The following SOCS6 variants were observed in gnomAD, a reference collection of about 807,000 sequenced individuals.
SOCS6 encodes suppressor of cytokine signaling 6.
A neutral mutation model predicts 27.7 loss-of-function variants in SOCS6; 5 were observed. The observed-to-expected ratio is 0.18, with a 90% CI of 0.09 to 0.38. SOCS6 has a LOEUF of 0.38. Ranked by LOEUF, SOCS6 falls within the 10% of genes least tolerant of loss-of-function variation. The pLI is 1.00. For synonymous variants in SOCS6, 271 were observed against 260.0 expected, an observed-to-expected ratio of 1.04 and a Z score of -0.41; for missense variants, 595 against 688.1, an observed-to-expected ratio of 0.86 and a Z score of 1.51.
Position 70,317,554 on chromosome 18 carries a change from T to C in SOCS6, c.-126-6989T>C, listed in dbSNP as rs9964353. On this transcript the variant is annotated intron_variant, in intron 1 of 1. Transcript: ENST00000397942. ...TATATATACACACTTCATATATACATACACACACACACACACACACACACA... is the reference window on the plus strand; with the variant it reads ...TATATATACACACTTCATATATACACACACACACACACACACACACACACA... Among the ~76,000 whole-genome samples, 67 of 139,072 alleles carry C rather than the reference T, an allele frequency of 4.8e-4. 1 individual carries two copies. The highest frequency in any genetic ancestry group is 3.7e-3 in the Middle Eastern group (1 of 272). 91.2% of individuals were successfully genotyped at this position (139,072 alleles called of 152,430 possible). A position where few individuals can be genotyped will look rare whatever the true frequency, so the allele number is the denominator to read the frequency against.
chr18:70,315,947 T>C (rs2062409638), intron 1 of SOCS6, among the ~76,000 whole-genome samples: 1 of 152,080 alleles, frequency 6.6e-6, no homozygotes, highest in African/African-American at 2.4e-5. Flanking sequence ...CTTGGCTCAC[T>C]GCAACCTCCG....
chr18:70,309,239 T>C (rs2062380802), intron 1 of SOCS6, among the ~76,000 whole-genome samples: 1 of 152,204 alleles, frequency 6.6e-6, no homozygotes, highest in Non-Finnish European at 1.5e-5. Flanking sequence ...TTTGTTTTTT[T>C]ATCATTAAAT....
intron 1 of SOCS6, among the ~76,000 whole-genome samples, chr18:70,299,930 A>G (rs370927923): frequency 1.3e-5 from 2 of 152,170 alleles, no homozygotes; most frequent in African/African-American, 4.8e-5. Context: ...TGCAAATACT[A>G]TGACGTTTTA....
chr18:70,289,546 T>A (rs948241305), intron 1 of SOCS6, among the ~76,000 whole-genome samples: 2 of 146,652 alleles, frequency 1.4e-5, no homozygotes, highest in Non-Finnish European at 3.0e-5. Context: ...GCGCGGGGCC[T>A]GCGCGGCTCT....
rs1435534426 is a variant in SOCS6 at position 70,328,994 on chromosome 18, G to T, written c.*2718G>T. 6.0e-6 allele frequency: 1 copy of T among 166,962 alleles called. No individual in the cohort carries two copies. The highest frequency in any genetic ancestry group is 6.5e-5 in the Admixed American group (1 of 15,274). 10.3% of individuals were successfully genotyped at this position (166,962 alleles called of 1,614,324 possible). A position where few individuals can be genotyped will look rare whatever the true frequency, so the allele number is the denominator to read the frequency against. On this transcript the variant is annotated 3_prime_UTR_variant, in exon 2 of 2. Coordinates refer to ENST00000397942, the MANE Select transcript of SOCS6 (RefSeq NM_004232.4). ...AAATCTGAGCTCAAAGCAAGAAAAA[G>T]AAAACAGGAAAGCTGTATCCATTTG... is the stretch of plus-strand genomic sequence containing the variant.
chr18:70,305,699 C>G (rs2062366278), intron 1 of SOCS6, among the ~76,000 whole-genome samples: 1 of 152,206 alleles, frequency 6.6e-6, no homozygotes, highest in South Asian at 2.1e-4. Context: ...AACATGGAAT[C>G]TCTAATTATT....
In SOCS6 at chr18:70,324,909, C is replaced by T. The variant is rs2146299045; in HGVS notation, c.241C>T (p.Leu81Phe). ...ESLMGTLKRR[L>F]SAKQKSKGKA... ...CCTGATGGGTACGCTAAAAAGGCGG[C>T]TTTCTGCAAAACAGAAGTCAAAAGG... is the stretch of plus-strand genomic sequence containing the variant. The change falls in exon 2 of 2, where the codon CTT becomes TTT. Residue 81 changes from leucine (L) to phenylalanine (F), a missense_variant. This residue lies in a region of SOCS6 where 467 missense variants were observed against 481.1 expected (regional missense o/e 0.97). Coordinates refer to ENST00000397942, the MANE Select transcript of SOCS6 (RefSeq NM_004232.4). 3 of 1,614,178 alleles carry T rather than the reference C, an allele frequency of 1.9e-6. No homozygotes were observed. The highest frequency in any genetic ancestry group is 2.2e-5 in the East Asian group (1 of 44,884).
At chr18:70,319,443 A>C (rs1034068578) in intron 1 of SOCS6, among the ~76,000 whole-genome samples, 1 of 152,140 alleles carries the variant, frequency 6.6e-6, no homozygotes, top group East Asian at 1.9e-4. Flanking sequence ...ATCCTCTTTC[A>C]TCATAATCCT....
rs747235348 is a variant in SOCS6, at chr18:70,325,685, T to C, written c.1017T>C (p.Ser339=). The C allele has an allele frequency of 1.9e-6, 3 of 1,614,172 alleles. No homozygotes were observed. The South Asian group carries it at 3.3e-5, about 18-fold the overall frequency. Residue 339 remains serine, a synonymous_variant, in exon 2 of 2, where the codon AGT becomes AGC. Transcript: ENST00000397942. The surrounding 1 kb of genome is among the most constrained non-coding windows in gnomAD (Gnocchi z 6.3). ...GCACAGAAGCCCACGTGGCTGAAAG[T>C]ATGCGCTGTCATTTGAATTTTGATC... ...LTGTEAHVAE[S]MRCHLNFDPN...
At chr18:70,303,452 A>G (rs1174995151) in intron 1 of SOCS6, among the ~76,000 whole-genome samples, 2 of 152,144 alleles carry the variant, frequency 1.3e-5, no homozygotes, top group African/African-American at 4.8e-5. Flanking sequence ...GTCAAGGAGT[A>G]TCGTTACTTT....
At chr18:70,312,034 A>G (rs535171505) in intron 1 of SOCS6, among the ~76,000 whole-genome samples, 51 of 152,222 alleles carry the variant, frequency 3.4e-4, no homozygotes, top group Non-Finnish European at 6.5e-4. Context: ...CTAGCTGCAA[A>G]CATCTGTGTA....
chr18:70,324,074 G>A (rs377241228), intron 1 of SOCS6, among the ~76,000 whole-genome samples: 1 of 152,074 alleles, frequency 6.6e-6, no homozygotes, highest in African/African-American at 2.4e-5. Flanking sequence ...AGGCCGAGGC[G>A]GGCGGATCAT....
At chr18:70,324,377 T>TCTG (rs1273931107) in intron 1 of SOCS6, among the ~76,000 whole-genome samples, 166 bp from the exon 2 acceptor site, 1 of 151,584 alleles carries the variant, frequency 6.6e-6, no homozygotes, top group African/African-American at 2.4e-5. Context: ...TAGGCAGTGA[T>TCTG]CTGCTCTGCT....
intron 1 of SOCS6, among the ~76,000 whole-genome samples, chr18:70,309,183 A>G (rs1266513175): frequency 1.3e-5 from 2 of 152,246 alleles, no homozygotes; most frequent in East Asian, 3.8e-4. Flanking sequence ...ACTTTTATTT[A>G]TGAACATTGA....
intron 1 of SOCS6, among the ~76,000 whole-genome samples, chr18:70,317,364 A>G (rs1180212297): frequency 1.3e-5 from 2 of 152,118 alleles, no homozygotes; most frequent in East Asian, 1.9e-4. Flanking sequence ...ACTTCCATTC[A>G]GGTTGTTGTG....
At position 70,329,270 on chromosome 18, in the gene SOCS6, A is replaced by G. The variant is rs1911329040; in HGVS notation, c.*2994A>G. 1 of 167,150 alleles carries G rather than the reference A, an allele frequency of 6.0e-6. No homozygotes were observed. Among genetic ancestry groups the G allele is most frequent in the Admixed American group, 6.5e-5 (1 of 15,290 alleles). The allele number at this position is 167,150 out of a possible 1,614,324, so 10.4% of individuals were successfully genotyped here. ...AGGAAATGATCATAGACCTAAAAATAGTTTTTAAGGAAACCAGCTACACGG... is the reference window on the plus strand; with the variant it reads ...AGGAAATGATCATAGACCTAAAAATGGTTTTTAAGGAAACCAGCTACACGG... On this transcript the variant is annotated 3_prime_UTR_variant, in exon 2 of 2. Transcript: ENST00000397942.
rs765206565 is a variant in SOCS6 at position 70,325,550 on chromosome 18, A to G, written c.882A>G (p.Gly294=). The change falls in exon 2 of 2, where the codon GGA becomes GGG. Residue 294 remains glycine (G), a synonymous_variant. Transcript: ENST00000397942. The surrounding 1 kb of genome is among the most constrained non-coding windows in gnomAD (Gnocchi z 6.3). ...ATGGCTTGTTGATTGGCACCACGGG[A>G]GTCATGTTGCAGAGCCCGAGAGCGG... is the stretch of plus-strand genomic sequence containing the variant. ...SVNGLLIGTT[G]VMLQSPRAGH... 73 of 1,613,984 alleles carry G rather than the reference A, an allele frequency of 4.5e-5. No individual in the cohort carries two copies. Among genetic ancestry groups the G allele is most frequent in the Non-Finnish European group, 6.0e-5 (71 of 1,180,028 alleles).
rs371708469 is a variant in SOCS6, at chr18:70,325,051, G to A, written c.383G>A (p.Arg128His). ...AQRPIRSTSL[R>H]SHHYSPAPWP... Reference sequence around the variant, plus strand: ...AGGCCGATAAGGTCCACGTCGCTCCGCAGCCATCACTACAGTCCCGCGCCG... The same window carrying A: ...AGGCCGATAAGGTCCACGTCGCTCCACAGCCATCACTACAGTCCCGCGCCG... Residue 128 changes from arginine to histidine, a missense_variant, in exon 2 of 2, where the codon CGC becomes CAC. This residue lies in a region of SOCS6 where 467 missense variants were observed against 481.1 expected (regional missense o/e 0.97). Transcript: ENST00000397942. This position sits in a 1 kb window ranked among gnomAD's most constrained non-coding sequence, Gnocchi z 6.3. 6.2e-6 allele frequency: 10 copies of A among 1,613,998 alleles called. No individual in the cohort carries two copies. The highest frequency in any genetic ancestry group is 5.5e-5 in the South Asian group (5 of 91,086).
In SOCS6 at chr18:70,324,907, G is replaced by A. The variant is rs1376193403; in HGVS notation, c.239G>A (p.Arg80Gln). 7 of 1,614,020 alleles carry A rather than the reference G, an allele frequency of 4.3e-6. No individual in the cohort carries two copies. The highest frequency in any genetic ancestry group is 2.2e-5 in the East Asian group (1 of 44,896). ...AGCCTGATGGGTACGCTAAAAAGGC[G>A]GCTTTCTGCAAAACAGAAGTCAAAA... ...SESLMGTLKR[R>Q]LSAKQKSKGK... The change falls in exon 2 of 2, where the codon CGG (arginine) becomes CAG (glutamine). Residue 80 changes from arginine (R) to glutamine (Q), a missense_variant. By Grantham distance (43) the Arg-to-Gln change is conservative. Transcript: ENST00000397942.
Sources: allele counts gnomAD v4.1 joint callset (sites outside exome capture counted in the v4.1 genomes callset), GRCh38; gene constraint gnomAD v4.1.1; regional missense constraint gnomAD v4.1.1; non-coding constraint Gnocchi (gnomAD v3.1); transcripts MANE v1.5; gene names NCBI Gene and HGNC (gene_info 2026-07-23, HGNC 2026-07-21).